Variants in ITPR2 observed in about 807,000 individuals in gnomAD.
The protein encoded by ITPR2 is inositol 1,4,5-trisphosphate receptor type 2, also known as inositol 1,4,5-trisphosphate-gated calcium channel ITPR2.
A neutral mutation model predicts 317.1 loss-of-function variants in ITPR2; 207 were observed. That is an observed-to-expected ratio of 0.65 (90% CI 0.58 to 0.73). The LOEUF (loss-of-function observed/expected upper bound fraction) is 0.73, where lower values mean the gene tolerates loss of function less well. Among genes scored for constraint, ITPR2 ranks in the 30% least tolerant of loss-of-function variants. ITPR2 has a pLI of 0.00. For missense variants in ITPR2, 2,613 were observed against 3,284.0 expected (o/e 0.80, Z 4.99); for synonymous variants, 1,156 against 1,149.1 (o/e 1.01, Z -0.12).
chr12:26,748,157 C>T (rs1325391978), intron 2 of ITPR2, among the ~76,000 whole-genome samples: 4 of 152,074 alleles, frequency 2.6e-5, no homozygotes, highest in African/African-American at 9.7e-5. Flanking sequence ...CTCCTGGGTT[C>T]AAGTGATTCT....
chr12:26,384,900 C>G, intron 55 of ITPR2, among the ~76,000 whole-genome samples: 1 of 152,130 alleles, frequency 6.6e-6, no homozygotes, highest in East Asian at 1.9e-4. Context: ...GGTTCTGTCT[C>G]AAGTTTTCTC....
intron 34 of ITPR2, among the ~76,000 whole-genome samples, chr12:26,577,469 A>G (rs758458231): frequency 3.9e-5 from 6 of 152,224 alleles, no homozygotes; most frequent in Admixed American, 1.3e-4. Flanking sequence ...ATCCTTCAAT[A>G]TAGTAAAATT....
At chr12:26,676,246 G>A (rs1208705193) in intron 13 of ITPR2, among the ~76,000 whole-genome samples, 1 of 152,172 alleles carries the variant, frequency 6.6e-6, no homozygotes, top group Non-Finnish European at 1.5e-5. Context: ...GGAGGCTAAG[G>A]CAGGCAGATT....
Position 26,615,631 on chromosome 12 carries a change from GA to G in ITPR2, c.3462+5491del, listed in dbSNP as rs145524141. Among the ~76,000 whole-genome samples, 1,360 of 152,270 alleles carry G rather than the reference GA, an allele frequency of 8.9e-3. 17 individuals carry two copies. Among genetic ancestry groups the G allele is most frequent in the African/African-American group, 0.031 (1,276 of 41,554 alleles). ...TTCTCAACAGCAGCAATGGAAGCCA[GA>G]AGACATGGGATAAAATAATCAGAAG... is the stretch of plus-strand genomic sequence containing the variant. On this transcript the variant is annotated intron_variant, in intron 26 of 56. Transcript: ENST00000381340.
At chr12:26,436,008 T>C (rs1203526121) in intron 48 of ITPR2, among the ~76,000 whole-genome samples, 1 of 152,226 alleles carries the variant, frequency 6.6e-6, no homozygotes, top group Non-Finnish European at 1.5e-5. Context: ...AGATATAATA[T>C]AGCTCTAATA....
intron 13 of ITPR2, among the ~76,000 whole-genome samples, chr12:26,670,392 G>A (rs542177338): frequency 3.3e-5 from 5 of 152,250 alleles, no homozygotes; most frequent in African/African-American, 4.8e-5. Context: ...CACGGTTCAC[G>A]AAAAACTGCT....
chr12:26,643,651 AG>A (rs2136868357), intron 21 of ITPR2, among the ~76,000 whole-genome samples: 1 of 152,360 alleles, frequency 6.6e-6, no homozygotes, highest in African/African-American at 2.4e-5. Flanking sequence ...AAACTACAGA[AG>A]AGCCATCATT....
intron 2 of ITPR2, among the ~76,000 whole-genome samples, chr12:26,754,326 C>A (rs1412585200): frequency 6.6e-6 from 1 of 152,170 alleles, no homozygotes; most frequent in East Asian, 1.9e-4. Flanking sequence ...ATTCTAGATA[C>A]AGCTGGGGAC....
chr12:26,343,930 CAATTT>C (rs1175161606), intron 55 of ITPR2, among the ~76,000 whole-genome samples: 1 of 152,056 alleles, frequency 6.6e-6, no homozygotes, highest in Non-Finnish European at 1.5e-5. Context: ...CTCCAAAATT[CAATTT>C]AATTTTTAAA....
chr12:26,766,470 T>C (rs907060572), intron 2 of ITPR2, among the ~76,000 whole-genome samples: 6 of 152,176 alleles, frequency 3.9e-5, no homozygotes, highest in African/African-American at 1.4e-4. Context: ...AATTGGGTTG[T>C]CTTTTTATTA....
chr12:26,717,812 A>C (rs543326497), intron 5 of ITPR2, among the ~76,000 whole-genome samples: 8 of 152,346 alleles, frequency 5.3e-5, no homozygotes, highest in Non-Finnish European at 1.2e-4. Context: ...TCTATCTTTG[A>C]ACCATGAATT....
rs369188561 is a variant in ITPR2 at position 26,358,739 on chromosome 12, C to T, written c.7858-18411G>A. Among the ~76,000 whole-genome samples the T allele has an allele frequency of 2.3e-4, 35 of 152,250 alleles. 1 individual carries two copies. The highest frequency in any genetic ancestry group is 8.2e-4 in the African/African-American group (34 of 41,544). On this transcript the variant is annotated intron_variant, in intron 55 of 56. Transcript: ENST00000381340. ...ATAAATTCTTAACTCCTTTCCTAGCCCAGGGGGCCTTAAGTGATCCAGTCT... is the reference window on the plus strand; with the variant it reads ...ATAAATTCTTAACTCCTTTCCTAGCTCAGGGGGCCTTAAGTGATCCAGTCT...
intron 36 of ITPR2, among the ~76,000 whole-genome samples, chr12:26,551,017 G>C (rs1450982438): frequency 6.6e-6 from 1 of 152,182 alleles, no homozygotes. Context: ...GTTAGGAGAA[G>C]AGTTTCAAGA....
chr12:26,810,397 G>C (rs1344352598), intron 1 of ITPR2, among the ~76,000 whole-genome samples: 4 of 152,134 alleles, frequency 2.6e-5, no homozygotes, highest in African/African-American at 7.2e-5. Context: ...AAGCCATAAA[G>C]TGGGGACTCA....
At chr12:26,515,835 T>A (rs1441835333) in intron 37 of ITPR2, among the ~76,000 whole-genome samples, 1 of 151,294 alleles carries the variant, frequency 6.6e-6, no homozygotes, top group Non-Finnish European at 1.5e-5. Context: ...AGGGCCCGGG[T>A]ATGGTGGCTC....
intron 42 of ITPR2, among the ~76,000 whole-genome samples, chr12:26,482,203 G>A (rs1383338490): frequency 6.6e-6 from 1 of 152,174 alleles, no homozygotes; most frequent in Non-Finnish European, 1.5e-5. Flanking sequence ...TACCTGTCCT[G>A]AGGTTCTTCT....
chr12:26,405,288 G>C (rs996850491), intron 52 of ITPR2, among the ~76,000 whole-genome samples: 1 of 152,182 alleles, frequency 6.6e-6, no homozygotes, highest in Non-Finnish European at 1.5e-5. Context: ...ACTTAGAACA[G>C]TGCTTGGCGT....
At chr12:26,697,380 C>G (rs904629445) in intron 9 of ITPR2, among the ~76,000 whole-genome samples, 5 of 152,194 alleles carry the variant, frequency 3.3e-5, no homozygotes, top group African/African-American at 1.2e-4. Flanking sequence ...TTCTCAGAGT[C>G]TTTCTCAACA....
At chr12:26,662,474 C>T (rs1164659558) in intron 15 of ITPR2, among the ~76,000 whole-genome samples, 1 of 152,200 alleles carries the variant, frequency 6.6e-6, no homozygotes, top group Admixed American at 6.5e-5. Context: ...GCCCTAGTGG[C>T]TTAGCCCACC....
Sources: gnomAD v4.1 joint callset for allele counts (sites outside exome capture counted in the v4.1 genomes callset) on GRCh38, gnomAD v4.1.1 for gene constraint, MANE v1.5 for transcripts, NCBI Gene and HGNC (gene_info 2026-07-23, HGNC 2026-07-21) for gene names.